SEMA6A: variants seen among roughly 807,000 people sequenced by gnomAD.
SEMA6A encodes semaphorin 6A.
SEMA6A carries 25 observed loss-of-function variants against 96.8 expected under a neutral mutation model. The ratio of observed to expected loss-of-function variants is 0.26; its 90% confidence interval spans 0.19 to 0.36. The LOEUF is 0.36. Ranked by LOEUF, SEMA6A falls within the 10% of genes least tolerant of loss-of-function variation. The pLI is 1.00. For missense variants in SEMA6A, 1,363 were observed against 1,323.1 expected (o/e 1.03, Z -0.47); for synonymous variants, 612 against 518.0 (o/e 1.18, Z -2.46).
chr5:116,564,128 G>A (rs781139802), intron 1 of SEMA6A, among the ~76,000 whole-genome samples: 32 of 152,306 alleles, frequency 2.1e-4, no homozygotes, highest in South Asian at 4.1e-4. Context: ...GTTGGGTAAC[G>A]GATGGGTCAA....
chr5:116,446,737 T>C lies in SEMA6A; in HGVS notation c.2969A>G (p.Asn990Ser), dbSNP rs1754235294. 2 of 1,604,862 alleles carry C rather than the reference T, an allele frequency of 1.2e-6. No individual in the cohort carries two copies. Among genetic ancestry groups the C allele is most frequent in the Non-Finnish European group, 1.7e-6 (2 of 1,175,280 alleles). Residue 990 changes from asparagine (N) to serine (S), a missense_variant, in exon 19 of 19, where the codon AAC (asparagine) becomes AGC (serine). Asn to Ser is a conservative substitution (Grantham distance 46, BLOSUM62 1). Around this residue, in one of 2 missense-constraint regions of SEMA6A, gnomAD observed 883 missense variants for 763.6 expected, o/e 1.16. Coordinates refer to ENST00000343348, the MANE Select transcript of SEMA6A (RefSeq NM_020796.5). ...AVTVSRQPSLNAYNSLTRSGL... is the reference protein window; with the variant it reads ...AVTVSRQPSLSAYNSLTRSGL... Reference sequence around the variant, plus strand: ...CGACCTTGTCAGTGAGTTGTAGGCGTTGAGGCTGGGCTGCCTCGAGACAGT... The same window carrying C: ...CGACCTTGTCAGTGAGTTGTAGGCGCTGAGGCTGGGCTGCCTCGAGACAGT...
intron 1 of SEMA6A, among the ~76,000 whole-genome samples, chr5:116,563,710 A>C (rs1722175288): frequency 6.6e-6 from 1 of 152,250 alleles, no homozygotes; most frequent in South Asian, 2.1e-4. Context: ...AACTCAATTC[A>C]ACAAAATTCT....
At chr5:116,509,894 C>T (rs184540038) in intron 1 of SEMA6A, among the ~76,000 whole-genome samples, 4 of 152,258 alleles carry the variant, frequency 2.6e-5, no homozygotes, top group Admixed American at 2.0e-4. Context: ...TGCAGTGGGG[C>T]AAGTGACCTT....
At chr5:116,484,812 T>C (rs1756969986) in intron 10 of SEMA6A, among the ~76,000 whole-genome samples, 1 of 152,098 alleles carries the variant, frequency 6.6e-6, no homozygotes, top group Non-Finnish European at 1.5e-5. Context: ...CAGAAAGCAA[T>C]GAATGAGCAA....
intron 1 of SEMA6A, among the ~76,000 whole-genome samples, chr5:116,535,974 T>A (rs989906043): frequency 6.6e-6 from 1 of 152,194 alleles, no homozygotes; most frequent in Admixed American, 6.5e-5. Flanking sequence ...CTCAGTCAAC[T>A]CAATTCTACT....
intron 11 of SEMA6A, among the ~76,000 whole-genome samples, chr5:116,481,029 A>T (rs767279104): frequency 1.3e-5 from 2 of 152,140 alleles, no homozygotes; most frequent in African/African-American, 2.4e-5. Flanking sequence ...GGTGCAGAAG[A>T]GGAGATTGGA....
chr5:116,541,849 C>G (rs576488392), intron 1 of SEMA6A, among the ~76,000 whole-genome samples: 1 of 152,192 alleles, frequency 6.6e-6, no homozygotes, highest in East Asian at 1.9e-4. Flanking sequence ...AACAAACAAA[C>G]AAACAAACAA....
intron 4 of SEMA6A, 34 bp from the exon 5 acceptor site, chr5:116,496,347 C>G (rs1001479790): frequency 8.1e-6 from 13 of 1,595,440 alleles, no homozygotes; most frequent in Non-Finnish European, 1.1e-5. Context: ...AATTAGAGCC[C>G]AGAGGTTGTT....
rs1446477831 is a variant in SEMA6A at position 116,510,295 on chromosome 5, A to G, written c.-38-5313T>C. Among the ~76,000 whole-genome samples, 7 of 152,224 alleles carry G rather than the reference A, an allele frequency of 4.6e-5. No homozygotes were observed. The East Asian group carries it at 1.2e-3, about 25-fold the overall frequency. On this transcript the variant is annotated intron_variant, in intron 1 of 18. Coordinates refer to ENST00000343348, the MANE Select transcript of SEMA6A (RefSeq NM_020796.5). The stretch of plus-strand genomic sequence containing the variant: ...TAAAATTTTCATTTTTATTAACTCA[A>G]ATTTTTGGACCTCATCATCTTTGTC...
At chr5:116,563,655 C>G (rs574949705) in intron 1 of SEMA6A, among the ~76,000 whole-genome samples, 1 of 152,258 alleles carries the variant, frequency 6.6e-6, no homozygotes, top group Admixed American at 6.5e-5. Flanking sequence ...GTGTCTAACC[C>G]GACACCCAAG....
chr5:116,517,500 A>G (rs1401700284), intron 1 of SEMA6A, among the ~76,000 whole-genome samples: 1 of 152,206 alleles, frequency 6.6e-6, no homozygotes, highest in Non-Finnish European at 1.5e-5. Context: ...ACATATTTTT[A>G]AAAGTGTATG....
In SEMA6A at chr5:116,447,351, A is replaced by G; in HGVS notation, c.2355T>C (p.Asn785=). 10 of 1,613,938 alleles carry G rather than the reference A, an allele frequency of 6.2e-6. No individual in the cohort carries two copies. The highest frequency in any genetic ancestry group is 8.5e-6 in the Non-Finnish European group (10 of 1,179,890). The stretch of plus-strand genomic sequence containing the variant: ...TGGGGGGCATGTCCTTTGTGCAGGC[A>G]TTGATGAGGTTCTGGTTCCTCTCCC... ...REWERNQNLI[N]ACTKDMPPMG... Residue 785 remains asparagine (N), a synonymous_variant, in exon 19 of 19, where the codon AAT becomes AAC. Coordinates refer to ENST00000343348, the MANE Select transcript of SEMA6A (RefSeq NM_020796.5).
Position 116,446,694 on chromosome 5 carries a change from G to A in SEMA6A, c.3012C>T (p.Pro1004=), listed in dbSNP as rs755384923. ...SLTRSGLKRT[P]SLKPDVPPKP... ...TGGGGGGTACGTCCGGCTTTAGCGA[G>A]GGCGTACGCTTCAGCCCCGACCTTG... Residue 1004 remains proline, a synonymous_variant, in exon 19 of 19, where the codon CCC becomes CCT. Transcript: ENST00000343348. The A allele has an allele frequency of 6.3e-6, 10 of 1,580,622 alleles. No homozygotes were observed. Among genetic ancestry groups the A allele is most frequent in the Non-Finnish European group, 7.7e-6 (9 of 1,162,332 alleles).
At chr5:116,494,106 CGGTTT>C (rs985849253) in intron 6 of SEMA6A, among the ~76,000 whole-genome samples, 53 of 152,250 alleles carry the variant, frequency 3.5e-4, no homozygotes, top group African/African-American at 1.2e-3. Context: ...TAAATCCTAC[CGGTTT>C]GGTTTTATCT....
chr5:116,446,666 G>GT lies in SEMA6A; in HGVS notation c.3039dup (p.Pro1014ThrfsTer14), dbSNP rs1754228612. 1 of 1,551,262 alleles carries GT rather than the reference G, an allele frequency of 6.4e-7. No homozygotes were observed. Among genetic ancestry groups the GT allele is most frequent in the East Asian group, 2.3e-5 (1 of 43,896 alleles). On this transcript the variant is annotated frameshift_variant, in exon 19 of 19. Coordinates refer to ENST00000343348, the MANE Select transcript of SEMA6A (RefSeq NM_020796.5). LOFTEE classifies it high-confidence loss of function. ...GATGTGGAAAGGGGAGCAAAGGATG[G>GT]TTTGGGGGGTACGTCCGGCTTTAGC... is the stretch of plus-strand genomic sequence containing the variant.
intron 1 of SEMA6A, among the ~76,000 whole-genome samples, chr5:116,523,257 G>A (rs1330267206): frequency 6.6e-6 from 1 of 152,142 alleles, no homozygotes; most frequent in African/African-American, 2.4e-5. Flanking sequence ...TTCTCACCGG[G>A]TGGGTCACAT....
At chr5:116,486,613 G>A (rs999981904) in intron 10 of SEMA6A, 136 bp downstream of exon 10, 2 of 674,420 alleles carry the variant, frequency 3.0e-6, no homozygotes, top group Non-Finnish European at 5.2e-6. Context: ...TGAAAACTAA[G>A]TGTTAAGTGC....
chr5:116,541,390 A>G (rs958734519), intron 1 of SEMA6A, among the ~76,000 whole-genome samples: 3 of 152,184 alleles, frequency 2.0e-5, no homozygotes, highest in Admixed American at 6.5e-5. Flanking sequence ...CTTGAAAGCA[A>G]TGTTCTGAAA....
chr5:116,495,001 C>T (rs994014775), intron 6 of SEMA6A, among the ~76,000 whole-genome samples: 12 of 152,198 alleles, frequency 7.9e-5, no homozygotes, highest in African/African-American at 1.7e-4. Context: ...GGAAAGTCTA[C>T]GGTTTCAAAT....
Sources: gnomAD v4.1 joint callset for allele counts (sites outside exome capture counted in the v4.1 genomes callset) on GRCh38, gnomAD v4.1.1 for gene constraint, gnomAD v4.1.1 regional missense constraint, MANE v1.5 for transcripts, NCBI Gene and HGNC (gene_info 2026-07-23, HGNC 2026-07-21) for gene names.